Variants in TENT5C observed in about 807,000 individuals in gnomAD.
TENT5C encodes family with sequence similarity 46 member C.
In TENT5C, 5 loss-of-function variants were observed where a neutral mutation model predicts 22.2. The ratio of observed to expected loss-of-function variants is 0.22; its 90% confidence interval spans 0.12 to 0.47. The LOEUF (loss-of-function observed/expected upper bound fraction) is 0.47, where lower values mean the gene tolerates loss of function less well. TENT5C is among the 20% of genes least tolerant of loss of function. TENT5C has a pLI of 0.99. For missense variants in TENT5C, 364 were observed against 500.9 expected, an observed-to-expected ratio of 0.73 and a Z score of 2.61; for synonymous variants, 199 against 195.4, an observed-to-expected ratio of 1.02 and a Z score of -0.15.
chr1:117,613,094 G>C (rs1191403269), intron 1 of TENT5C, among the ~76,000 whole-genome samples: 1 of 152,156 alleles, frequency 6.6e-6, no homozygotes, highest in African/African-American at 2.4e-5. Flanking sequence ...GGCTCTCTTT[G>C]GGGAGCTCTT....
chr1:117,624,365 G>A lies in TENT5C; in HGVS notation c.*321G>A, dbSNP rs564656098. On this transcript the variant is annotated 3_prime_UTR_variant, in exon 2 of 2. Coordinates refer to ENST00000369448, the MANE Select transcript of TENT5C (RefSeq NM_017709.4). ...GGGGGTTGAGCTCTGTGCAGTAATC[G>A]AGATTGGGAGAATTTGGGCAGCGCG... The A allele has an allele frequency of 1.2e-5, 4 of 330,368 alleles. No individual in the cohort carries two copies. Among genetic ancestry groups the A allele is most frequent in the South Asian group, 1.1e-4 (1 of 9,372 alleles). 20.5% of individuals were successfully genotyped at this position (330,368 alleles called of 1,614,324 possible). A position where few individuals can be genotyped will look rare whatever the true frequency, so the allele number is the denominator to read the frequency against.
In TENT5C at chr1:117,627,451, T is replaced by C; in HGVS notation, c.*3407T>C. On this transcript the variant is annotated 3_prime_UTR_variant, in exon 2 of 2. Transcript: ENST00000369448. ...AACTCCTTTGTAGTTTACTTTCTGG[T>C]ACTGGTTGGTGCCTTGTATTGGGAT... The C allele has an allele frequency of 4.0e-6, 1 of 248,180 alleles. No homozygotes were observed. Among genetic ancestry groups the C allele is most frequent in the Non-Finnish European group, 8.5e-6 (1 of 118,120 alleles). The allele number at this position is 248,180 out of a possible 1,614,324, so 15.4% of individuals were successfully genotyped here.
chr1:117,626,850 G>A lies in TENT5C; in HGVS notation c.*2806G>A. 1 of 248,100 alleles carries A rather than the reference G, an allele frequency of 4.0e-6. No individual in the cohort carries two copies. The highest frequency in any genetic ancestry group is 8.5e-6 in the Non-Finnish European group (1 of 118,106). The allele number at this position is 248,100 out of a possible 1,614,324, so 15.4% of individuals were successfully genotyped here. A position where few individuals can be genotyped will look rare whatever the true frequency, so the allele number is the denominator to read the frequency against. On this transcript the variant is annotated 3_prime_UTR_variant, in exon 2 of 2. Coordinates refer to ENST00000369448, the MANE Select transcript of TENT5C (RefSeq NM_017709.4). ...TTTTTCTGATGCTTTCGGCATGTCT[G>A]CAGCCTGTTCTCCTAGCCTGCTGCT...
intron 1 of TENT5C, among the ~76,000 whole-genome samples, chr1:117,619,612 A>G (rs558424508): frequency 2.6e-5 from 4 of 152,272 alleles, no homozygotes; most frequent in African/African-American, 4.8e-5. Context: ...CCCACTCTGT[A>G]TAAGTATATA....
intron 1 of TENT5C, among the ~76,000 whole-genome samples, chr1:117,610,565 G>A (rs974992638): frequency 6.6e-6 from 1 of 152,138 alleles, no homozygotes; most frequent in Non-Finnish European, 1.5e-5. Flanking sequence ...GTCTTACTCT[G>A]TCGCCAGGCT....
Position 117,624,230 on chromosome 1 carries a change from T to A in TENT5C, c.*186T>A. The A allele has an allele frequency of 3.4e-6, 2 of 579,952 alleles. No individual in the cohort carries two copies. The highest frequency in any genetic ancestry group is 6.1e-6 in the Non-Finnish European group (2 of 328,334). The allele number at this position is 579,952 out of a possible 1,614,324, so 35.9% of individuals were successfully genotyped here. ...TCTACAGTGTATCATGAGCCAACCC[T>A]CAAAGGACCCGTATTACAGTGCCAC... On this transcript the variant is annotated 3_prime_UTR_variant, in exon 2 of 2. Coordinates refer to ENST00000369448, the MANE Select transcript of TENT5C (RefSeq NM_017709.4).
chr1:117,620,147 C>A (rs951054548), intron 1 of TENT5C, among the ~76,000 whole-genome samples: 3 of 152,174 alleles, frequency 2.0e-5, no homozygotes, highest in Non-Finnish European at 2.9e-5. Context: ...TCTCAGATGT[C>A]CCTCCTCTAA....
intron 1 of TENT5C, among the ~76,000 whole-genome samples, chr1:117,615,505 C>T (rs1034232807): frequency 5.3e-5 from 8 of 152,190 alleles, no homozygotes; most frequent in Non-Finnish European, 1.0e-4. Flanking sequence ...TGTTTTACTG[C>T]CTATTTGTGA....
chr1:117,622,720 AGT>A (rs1355564628), intron 1 of TENT5C, 120 bp from the exon 2 acceptor site: 1 of 667,938 alleles, frequency 1.5e-6, no homozygotes, highest in African/African-American at 1.8e-5. Context: ...AACACTGAGC[AGT>A]AAGTGCTATT....
chr1:117,607,788 A>AG (rs2101071214), intron 1 of TENT5C, among the ~76,000 whole-genome samples: 1 of 152,240 alleles, frequency 6.6e-6, no homozygotes, highest in Admixed American at 6.5e-5. Context: ...GCAGTGGAAA[A>AG]GGGGGAGGGG....
chr1:117,626,293 T>C lies in TENT5C; in HGVS notation c.*2249T>C, dbSNP rs896054870. 4 of 247,904 alleles carry C rather than the reference T, an allele frequency of 1.6e-5. No homozygotes were observed. The highest frequency in any genetic ancestry group is 4.4e-5 in the African/African-American group (2 of 45,328). 15.4% of individuals were successfully genotyped at this position (247,904 alleles called of 1,614,324 possible). On this transcript the variant is annotated 3_prime_UTR_variant, in exon 2 of 2. Coordinates refer to ENST00000369448, the MANE Select transcript of TENT5C (RefSeq NM_017709.4). The stretch of plus-strand genomic sequence containing the variant: ...TTGGGGTTCTTTCTGCTTATGTTTT[T>C]TCCCCCCCATCTGGTAATAGTCCTC...
Position 117,623,978 on chromosome 1 carries a change from C to T in TENT5C, c.1110C>T (p.Asn370=). 2 of 1,614,058 alleles carry T rather than the reference C, an allele frequency of 1.2e-6. No homozygotes were observed. Among genetic ancestry groups the T allele is most frequent in the Non-Finnish European group, 1.7e-6 (2 of 1,180,006 alleles). ...APYVSDGNFS[N]YYVAHPPVTY... ...ACGTCAGTGATGGCAACTTCAGCAA[C>T]TACTACGTTGCCCATCCTCCAGTCA... Residue 370 remains asparagine, a synonymous_variant, in exon 2 of 2, where the codon AAC becomes AAT. Coordinates refer to ENST00000369448, the MANE Select transcript of TENT5C (RefSeq NM_017709.4).
chr1:117,611,276 T>C (rs907412518), intron 1 of TENT5C, among the ~76,000 whole-genome samples: 1 of 152,200 alleles, frequency 6.6e-6, no homozygotes, highest in Non-Finnish European at 1.5e-5. Flanking sequence ...AAGTGCCTGA[T>C]ATGTGTCTAG....
chr1:117,609,665 C>T (rs140167322), intron 1 of TENT5C, among the ~76,000 whole-genome samples: 11 of 152,300 alleles, frequency 7.2e-5, no homozygotes, highest in African/African-American at 2.4e-4. Context: ...CTTTATCATG[C>T]AGTCGAGGCA....
In TENT5C at chr1:117,624,189, T is replaced by C. The variant is rs748926983; in HGVS notation, c.*145T>C. On this transcript the variant is annotated 3_prime_UTR_variant, in exon 2 of 2. Coordinates refer to ENST00000369448, the MANE Select transcript of TENT5C (RefSeq NM_017709.4). ...CTTTTTTTTTTTTTTTTCCTTTGTG[T>C]ACCCATTGGAATGGGTCTACAGTGT... 2.2e-5 allele frequency: 16 copies of C among 714,504 alleles called. No individual in the cohort carries two copies. In the Admixed American group the frequency reaches 3.0e-4, roughly 13 times the overall value. 44.3% of individuals were successfully genotyped at this position (714,504 alleles called of 1,614,324 possible). A position where few individuals can be genotyped will look rare whatever the true frequency, so the allele number is the denominator to read the frequency against.
intron 1 of TENT5C, among the ~76,000 whole-genome samples, chr1:117,614,117 C>T (rs1653725726): frequency 6.6e-6 from 1 of 152,158 alleles, no homozygotes. Flanking sequence ...GGAGGAGTCT[C>T]CAGAATGTGG....
chr1:117,606,741 C>T (rs570775114), intron 1 of TENT5C, among the ~76,000 whole-genome samples: 9 of 152,280 alleles, frequency 5.9e-5, no homozygotes, highest in Middle Eastern at 3.4e-3. Context: ...AGGGGCGCTT[C>T]CTAGGCTCAT....
At chr1:117,611,399 A>G (rs1469847276) in intron 1 of TENT5C, among the ~76,000 whole-genome samples, 1 of 152,172 alleles carries the variant, frequency 6.6e-6, no homozygotes, top group Admixed American at 6.5e-5. Flanking sequence ...AGCTGTGGGG[A>G]GACCTGGGCT....
intron 1 of TENT5C, among the ~76,000 whole-genome samples, chr1:117,622,400 G>C (rs1462599525): frequency 1.3e-5 from 2 of 151,778 alleles, no homozygotes; most frequent in African/African-American, 4.8e-5. Flanking sequence ...TTGTAGCCTA[G>C]ACGAATGTAG....
Sources: allele counts gnomAD v4.1 joint callset (sites outside exome capture counted in the v4.1 genomes callset), GRCh38; gene constraint gnomAD v4.1.1; transcripts MANE v1.5; gene names NCBI Gene and HGNC (gene_info 2026-07-23, HGNC 2026-07-21).